ERBB4: variants seen among roughly 807,000 people sequenced by gnomAD.
ERBB4 encodes the protein receptor tyrosine-protein kinase erbB-4.
ERBB4 carries 42 observed loss-of-function variants against 158.0 expected under a neutral mutation model. That is an observed-to-expected ratio of 0.27 (90% CI 0.21 to 0.34). ERBB4 has a LOEUF of 0.34. Among genes scored for constraint, ERBB4 ranks in the 10% least tolerant of loss-of-function variants. The pLI is 1.00. For synonymous variants in ERBB4, 583 were observed against 558.7 expected (o/e 1.04, Z -0.61); for missense variants, 1,333 against 1,624.1 (o/e 0.82, Z 3.08).
chr2:211,497,060 A>G (rs531261804), intron 20 of ERBB4, among the ~76,000 whole-genome samples: 36 of 152,298 alleles, frequency 2.4e-4, no homozygotes, highest in African/African-American at 8.4e-4. Context: ...GTCCTGGTAT[A>G]GTAGGCACTT....
chr2:212,509,996 A>T (rs1484115590), intron 1 of ERBB4, among the ~76,000 whole-genome samples: 1 of 151,672 alleles, frequency 6.6e-6, no homozygotes, highest in Non-Finnish European at 1.5e-5. Flanking sequence ...GCATGTATTT[A>T]TCAATTAGAA....
chr2:212,186,044 A>T (rs910883958), intron 1 of ERBB4, among the ~76,000 whole-genome samples: 3 of 152,192 alleles, frequency 2.0e-5, no homozygotes, highest in African/African-American at 7.2e-5. Flanking sequence ...GCTTACAAGA[A>T]ATACATTGTT....
chr2:211,741,875 A>G (rs1211444109), intron 5 of ERBB4, among the ~76,000 whole-genome samples: 1 of 152,224 alleles, frequency 6.6e-6, no homozygotes, highest in African/African-American at 2.4e-5. Context: ...TTATGTCAAA[A>G]TGAAGAACAC....
At chr2:211,389,927 G>T (rs570753534) in intron 25 of ERBB4, among the ~76,000 whole-genome samples, 2 of 152,184 alleles carry the variant, frequency 1.3e-5, no homozygotes, top group Non-Finnish European at 2.9e-5. Context: ...CAATCAGGAT[G>T]CCAAAGCTAC....
rs369696364 is a variant in ERBB4, at chr2:212,414,387, C to T, written c.82+124062G>A. ...GATTTAATATTTGCAATTTAGCAGCCTGAATGCCTTTAGTCGGAAGAGGTG... is the reference window on the plus strand; with the variant it reads ...GATTTAATATTTGCAATTTAGCAGCTTGAATGCCTTTAGTCGGAAGAGGTG... On this transcript the variant is annotated intron_variant, in intron 1 of 27. Transcript: ENST00000342788. Among the ~76,000 whole-genome samples, 267 of 152,216 alleles carry T rather than the reference C, an allele frequency of 1.8e-3. 2 individuals carry two copies. Among genetic ancestry groups the T allele is most frequent in the Middle Eastern group, 6.8e-3 (2 of 294 alleles).
chr2:211,959,167 A>G (rs527713716), intron 2 of ERBB4, among the ~76,000 whole-genome samples: 1 of 152,128 alleles, frequency 6.6e-6, no homozygotes, highest in South Asian at 2.1e-4. Context: ...CCAATTATCT[A>G]TTCTACAAAT....
At chr2:211,868,524 T>A (rs1470915003) in intron 3 of ERBB4, among the ~76,000 whole-genome samples, 1 of 152,190 alleles carries the variant, frequency 6.6e-6, no homozygotes, top group African/African-American at 2.4e-5. Flanking sequence ...CCATGTAAAG[T>A]ATGATAATTG....
chr2:211,540,839 C>T (rs2066788183), intron 20 of ERBB4, among the ~76,000 whole-genome samples: 1 of 151,870 alleles, frequency 6.6e-6, no homozygotes, highest in Non-Finnish European at 1.5e-5. Flanking sequence ...TGTTTTTAAG[C>T]AAAACAACTT....
intron 3 of ERBB4, among the ~76,000 whole-genome samples, chr2:211,825,295 T>G (rs2077078082): frequency 6.6e-6 from 1 of 151,808 alleles, no homozygotes; most frequent in South Asian, 2.1e-4. Context: ...TTCCAAAGCT[T>G]TTATGAGACT....
chr2:212,272,251 T>C (rs2085369218), intron 1 of ERBB4, among the ~76,000 whole-genome samples: 1 of 151,818 alleles, frequency 6.6e-6, no homozygotes, highest in Non-Finnish European at 1.5e-5. Flanking sequence ...GCTAAATATA[T>C]GGATCATTTT....
intron 1 of ERBB4, among the ~76,000 whole-genome samples, chr2:212,510,233 A>AT (rs1560515966): frequency 2.1e-5 from 3 of 144,906 alleles, no homozygotes; most frequent in African/African-American, 7.6e-5. Context: ...ATATATATAT[A>AT]ACTACTCCCA....
intron 1 of ERBB4, among the ~76,000 whole-genome samples, chr2:212,348,716 A>C (rs1444519065): frequency 6.6e-6 from 1 of 152,150 alleles, no homozygotes; most frequent in Non-Finnish European, 1.5e-5. Flanking sequence ...CATTACTGAC[A>C]GTCTATGTTT....
At chr2:211,925,754 T>C (rs1297751041) in intron 3 of ERBB4, among the ~76,000 whole-genome samples, 1 of 152,204 alleles carries the variant, frequency 6.6e-6, no homozygotes, top group Non-Finnish European at 1.5e-5. Context: ...TGAAACATTT[T>C]GTTTTAACAA....
chr2:212,127,493 G>A (rs1268916009), intron 1 of ERBB4, among the ~76,000 whole-genome samples: 1 of 152,162 alleles, frequency 6.6e-6, no homozygotes, highest in Non-Finnish European at 1.5e-5. Flanking sequence ...TCGGGAGGCT[G>A]AGGCAGGAGA....
chr2:211,665,720 T>C (rs2071606624), intron 14 of ERBB4, among the ~76,000 whole-genome samples: 1 of 152,230 alleles, frequency 6.6e-6, no homozygotes, highest in Non-Finnish European at 1.5e-5. Flanking sequence ...AATGTATTTG[T>C]GCTTGAAATA....
At chr2:212,474,819 A>ATTATTTTTTTTTTT (rs1295029698) in intron 1 of ERBB4, among the ~76,000 whole-genome samples, 1 of 72,192 alleles carries the variant, frequency 1.4e-5, no homozygotes, top group African/African-American at 9.5e-5. Flanking sequence ...ACACCCGGCC[A>ATTATTTTTTTTTTT]TTCTTTTTTT....
At chr2:212,056,610 T>A (rs1427814689) in intron 2 of ERBB4, among the ~76,000 whole-genome samples, 4 of 152,070 alleles carry the variant, frequency 2.6e-5, no homozygotes, top group Non-Finnish European at 5.9e-5. Context: ...CAGAAGAGAG[T>A]GGAGACCAAT....
intron 1 of ERBB4, among the ~76,000 whole-genome samples, chr2:212,250,755 GTT>G (rs1007968612): frequency 6.6e-6 from 1 of 151,428 alleles, no homozygotes; most frequent in Non-Finnish European, 1.5e-5. Flanking sequence ...GTTGTTTTCT[GTT>G]TTTAGTCAAA....
intron 1 of ERBB4, among the ~76,000 whole-genome samples, chr2:212,230,003 C>T (rs1054774618): frequency 3.3e-5 from 5 of 151,908 alleles, no homozygotes; most frequent in African/African-American, 4.8e-5. Flanking sequence ...AGGCTACAAC[C>T]GCCAGGTGCG....
Sources: allele counts gnomAD v4.1 joint callset (sites outside exome capture counted in the v4.1 genomes callset), GRCh38; gene constraint gnomAD v4.1.1; transcripts MANE v1.5; gene names NCBI Gene and HGNC (gene_info 2026-07-23, HGNC 2026-07-21).